The following CHRNA7 variants were observed in gnomAD, a reference collection of about 807,000 sequenced individuals.
CHRNA7 encodes cholinergic receptor nicotinic alpha 7 subunit.
CHRNA7 carries 17 observed loss-of-function variants against 48.0 expected under a neutral mutation model. The ratio of observed to expected loss-of-function variants is 0.35; its 90% CI spans 0.24 to 0.53. CHRNA7 has a LOEUF of 0.53. Among genes scored for constraint, CHRNA7 ranks in the 20% least tolerant of loss-of-function variants. The pLI, the probability that CHRNA7 is intolerant of heterozygous loss-of-function variation, is 0.92. For synonymous variants in CHRNA7, 75 were observed against 242.3 expected, an observed-to-expected ratio of 0.31 and a Z score of 6.41; for missense variants, 155 against 577.7, an observed-to-expected ratio of 0.27 and a Z score of 7.50.
At chr15:32,080,588 A>G (rs1433263335) in intron 2 of CHRNA7, among the ~76,000 whole-genome samples, 8 of 152,206 alleles carry the variant, frequency 5.3e-5, no homozygotes, top group Non-Finnish European at 8.8e-5. Flanking sequence ...CAAAACCACA[A>G]TGAGATACCA....
chr15:32,030,497 C>A, upstream of CHRNA7: 1 of 1,232,364 alleles, frequency 8.1e-7, no homozygotes, highest in Non-Finnish European at 1.0e-6. Context: ...TAAAGGCGCG[C>A]GAGCCGAGCG....
At chr15:32,131,172 T>C (rs2051149909) in intron 4 of CHRNA7, among the ~76,000 whole-genome samples, 1 of 152,170 alleles carries the variant, frequency 6.6e-6, no homozygotes. Context: ...TTTTTGTATT[T>C]ATCTGGTTTG....
chr15:32,049,143 C>T (rs966727493), intron 2 of CHRNA7, among the ~76,000 whole-genome samples: 5 of 151,744 alleles, frequency 3.3e-5, no homozygotes, highest in African/African-American at 1.2e-4. Context: ...GTGGAGAGTT[C>T]TGTAGATGTC....
chr15:32,112,690 GA>G (rs766985406), intron 4 of CHRNA7, among the ~76,000 whole-genome samples: 85 of 152,342 alleles, frequency 5.6e-4, no homozygotes, highest in Non-Finnish European at 9.3e-4. Flanking sequence ...CATGAAGAAG[GA>G]AGCCCAGGCT....
rs79892659 is a variant in CHRNA7 at position 32,149,780 on chromosome 15, T to G, written c.351-4127T>G. On this transcript the variant is annotated intron_variant, in intron 4 of 9. Transcript: ENST00000306901. This position sits in a 1 kb window ranked among gnomAD's most constrained non-coding sequence, Gnocchi z 4.6. ...GGTAAGCTGTTGCTAATAGCAACAG[T>G]TTTTTTATCTTGTTTTTACCTGTTT... 6.6e-6 allele frequency among the ~76,000 whole-genome samples: 1 copy of G among 151,956 alleles called. No individual in the cohort carries two copies. The highest frequency in any genetic ancestry group is 1.5e-5 in the Non-Finnish European group (1 of 67,978).
At chr15:32,105,212 A>G (rs998564699) in intron 3 of CHRNA7, among the ~76,000 whole-genome samples, 2 of 152,200 alleles carry the variant, frequency 1.3e-5, no homozygotes. Flanking sequence ...TCTTGGAGCA[A>G]CCTACTCTGT....
rs2052318159 is a variant in CHRNA7, at chr15:32,168,711, AG to A, written c.*254del. 9 of 129,370 alleles carry A rather than the reference AG, an allele frequency of 7.0e-5. No homozygotes were observed. Among genetic ancestry groups the A allele is most frequent in the South Asian group, 4.8e-4 (9 of 18,932 alleles). The allele number at this position is 129,370 out of a possible 1,614,324, so 8.0% of individuals were successfully genotyped here. On this transcript the variant is annotated 3_prime_UTR_variant, in exon 10 of 10. Transcript: ENST00000306901. ...CCATCGGTCAGCAGGGCCACTGAGT[AG>A]TCATTTTGCCCATTAGCCCACTGCC...
At chr15:32,107,636 T>C (rs970076688) in intron 3 of CHRNA7, among the ~76,000 whole-genome samples, 6 of 152,148 alleles carry the variant, frequency 3.9e-5, no homozygotes, top group Non-Finnish European at 8.8e-5. Context: ...AGGAACCAAG[T>C]GGAAGGACGC....
At chr15:32,072,859 A>T (rs946745048) in intron 2 of CHRNA7, among the ~76,000 whole-genome samples, 1 of 152,202 alleles carries the variant, frequency 6.6e-6, no homozygotes, top group African/African-American at 2.4e-5. Flanking sequence ...CTTTCAGAGG[A>T]TGTATGGAAA....
At chr15:32,078,122 G>A (rs2050161991) in intron 2 of CHRNA7, among the ~76,000 whole-genome samples, 1 of 152,300 alleles carries the variant, frequency 6.6e-6, no homozygotes, top group Admixed American at 6.5e-5. Flanking sequence ...TTGTATAACA[G>A]TCCTTTATCT....
chr15:32,080,359 G>A (rs8032313), intron 2 of CHRNA7, among the ~76,000 whole-genome samples: 123,337 of 152,112 alleles, frequency 0.81, 51,255 homozygotes, highest in Non-Finnish European at 0.91. Context: ...TGAACAGACA[G>A]CCTATAGAAT....
chr15:32,081,092 C>T (rs950866428), intron 2 of CHRNA7, among the ~76,000 whole-genome samples: 1 of 152,156 alleles, frequency 6.6e-6, no homozygotes, highest in Non-Finnish European at 1.5e-5. Context: ...AATGAGAACA[C>T]ATGGACATGG....
intron 3 of CHRNA7, among the ~76,000 whole-genome samples, chr15:32,106,775 C>A (rs190598586): frequency 6.6e-6 from 1 of 152,178 alleles, no homozygotes; most frequent in Non-Finnish European, 1.5e-5. Flanking sequence ...CCCAGCCTTC[C>A]TGGGTCCTTC....
intron 4 of CHRNA7, among the ~76,000 whole-genome samples, chr15:32,117,130 G>T (rs1220703589): frequency 6.6e-6 from 1 of 152,204 alleles, no homozygotes; most frequent in East Asian, 1.9e-4. Flanking sequence ...ATGAGGGGAG[G>T]GGGAGTGAGA....
chr15:32,138,956 G>A (rs2051326308), intron 4 of CHRNA7, among the ~76,000 whole-genome samples: 1 of 152,108 alleles, frequency 6.6e-6, no homozygotes, highest in Admixed American at 6.5e-5. Context: ...GTTTCGTCAT[G>A]TTGGCCAAGC....
intron 2 of CHRNA7, among the ~76,000 whole-genome samples, chr15:32,069,409 GCT>G (rs1405464147): frequency 1.3e-5 from 2 of 152,218 alleles, no homozygotes; most frequent in African/African-American, 4.8e-5. Flanking sequence ...ATTTTGGGAG[GCT>G]GAGGCAGGAG....
At chr15:32,042,375 T>C (rs1239347114) in intron 2 of CHRNA7, among the ~76,000 whole-genome samples, 1 of 152,172 alleles carries the variant, frequency 6.6e-6, no homozygotes, top group East Asian at 1.9e-4. Context: ...TTTCTCCTGA[T>C]GGCAGGCCTT....
At chr15:32,156,096 A>C in intron 5 of CHRNA7, 1 of 109,408 alleles carries the variant, frequency 9.1e-6, no homozygotes, top group Non-Finnish European at 1.9e-5. Flanking sequence ...CATTCCCATC[A>C]CCCCACAAAG....
intron 2 of CHRNA7, among the ~76,000 whole-genome samples, chr15:32,091,686 G>A (rs963705507): frequency 6.6e-6 from 1 of 152,164 alleles, no homozygotes; most frequent in Admixed American, 6.5e-5. Context: ...CTACGAAAGA[G>A]AATCTTTTCT....
Sources: gnomAD v4.1 joint callset for allele counts (sites outside exome capture counted in the v4.1 genomes callset) on GRCh38, gnomAD v4.1.1 for gene constraint, Gnocchi (gnomAD v3.1) non-coding constraint, MANE v1.5 for transcripts, NCBI Gene and HGNC (gene_info 2026-07-23, HGNC 2026-07-21) for gene names.